Variants in DIAPH2 observed in about 807,000 individuals in gnomAD.
DIAPH2 encodes protein diaphanous homolog 2.
DIAPH2 carries 35 observed loss-of-function variants against 92.7 expected under a neutral mutation model. That is an observed-to-expected ratio of 0.38 (90% confidence interval 0.29 to 0.50). The LOEUF (loss-of-function observed/expected upper bound fraction) is 0.50, where lower values mean the gene tolerates loss of function less well. Among genes scored for constraint, DIAPH2 ranks in the 20% least tolerant of loss-of-function variants. The pLI is 0.94. For synonymous variants in DIAPH2, 301 were observed against 280.4 expected (o/e 1.07, Z -0.73); for missense variants, 701 against 819.5 (o/e 0.86, Z 1.77).
intron 17 of DIAPH2, among the ~76,000 whole-genome samples, chrX:96,968,376 G>A (rs931729785): frequency 2.7e-5 from 3 of 109,850 alleles, no homozygotes; most frequent in African/African-American, 9.9e-5. Context: ...CCGCCACCAT[G>A]CCCAGCTAAT....
intron 7 of DIAPH2, among the ~76,000 whole-genome samples, chrX:96,914,836 C>T (rs1239734959): frequency 1.8e-5 from 2 of 111,502 alleles, no homozygotes; most frequent in East Asian, 5.6e-4. Context: ...ATTAATGGAT[C>T]TTTTGAATTA....
intron 4 of DIAPH2, among the ~76,000 whole-genome samples, chrX:96,811,379 C>G (rs2064679307): frequency 8.9e-6 from 1 of 112,071 alleles, no homozygotes; most frequent in Non-Finnish European, 1.9e-5. Context: ...TATCCTGAGA[C>G]TTTGCTGAAG....
At chrX:97,241,282 C>T (rs1248377479) in intron 22 of DIAPH2, among the ~76,000 whole-genome samples, 1 of 110,694 alleles carries the variant, frequency 9.0e-6, no homozygotes, top group African/African-American at 3.3e-5. Context: ...TACTTAAGAA[C>T]TTAAGTAATG....
At chrX:97,540,304 G>T (rs1447256056) in intron 26 of DIAPH2, among the ~76,000 whole-genome samples, 1 of 111,441 alleles carries the variant, frequency 9.0e-6, no homozygotes, top group Non-Finnish European at 1.9e-5. Context: ...GTTTACCTTT[G>T]TCTGGTTTCC....
chrX:97,504,336 C>G (rs1222584990), intron 26 of DIAPH2, among the ~76,000 whole-genome samples: 4 of 112,066 alleles, frequency 3.6e-5, no homozygotes, highest in Non-Finnish European at 7.5e-5. Context: ...TTTTCTTGCT[C>G]TTTTTCTTAT....
intron 22 of DIAPH2, among the ~76,000 whole-genome samples, chrX:97,199,225 A>ATGTGTG (rs754774694): frequency 3.7e-5 from 2 of 54,299 alleles, no homozygotes; most frequent in Admixed American, 3.7e-4. Flanking sequence ...TAACATATGT[A>ATGTGTG]TATGTGTGTG....
chrX:97,315,280 C>T (rs975620888), intron 23 of DIAPH2, among the ~76,000 whole-genome samples: 4 of 111,686 alleles, frequency 3.6e-5, no homozygotes, highest in African/African-American at 1.3e-4. Flanking sequence ...AGCCACTGCA[C>T]CCTAGCCTTG....
intron 23 of DIAPH2, among the ~76,000 whole-genome samples, chrX:97,263,998 T>C (rs1602460935): frequency 9.2e-6 from 1 of 108,893 alleles, no homozygotes; most frequent in East Asian, 2.9e-4. Flanking sequence ...CACAGCTTAC[T>C]GCAGCCTCGA....
chrX:96,975,242 A>G (rs1569269383), intron 17 of DIAPH2, among the ~76,000 whole-genome samples: 1 of 111,824 alleles, frequency 8.9e-6, no homozygotes, highest in Admixed American at 9.5e-5. Context: ...TTCTTAGTCT[A>G]AGAATCAACT....
chrX:96,997,116 C>T (rs1381818940), intron 17 of DIAPH2, among the ~76,000 whole-genome samples: 4 of 111,345 alleles, frequency 3.6e-5, no homozygotes, highest in Non-Finnish European at 7.6e-5. Context: ...CCTAATAAGA[C>T]ATGTGAATAT....
intron 26 of DIAPH2, among the ~76,000 whole-genome samples, chrX:97,591,332 G>T (rs1274071194): frequency 8.9e-6 from 1 of 112,022 alleles, no homozygotes; most frequent in Non-Finnish European, 1.9e-5. Flanking sequence ...TTAGTTTCAT[G>T]TTCTAGTTGT....
chrX:97,480,310 A>T (rs1312113877), intron 26 of DIAPH2, among the ~76,000 whole-genome samples: 2 of 111,859 alleles, frequency 1.8e-5, no homozygotes, highest in African/African-American at 6.5e-5. Flanking sequence ...TACCATAAAA[A>T]GCTAGGAGAG....
intron 17 of DIAPH2, among the ~76,000 whole-genome samples, chrX:97,013,915 G>T (rs2066243803): frequency 8.9e-6 from 1 of 111,999 alleles, no homozygotes; most frequent in Non-Finnish European, 1.9e-5. Context: ...AAGGAAGGCG[G>T]AATCAGTGAG....
chrX:96,843,212 C>T (rs1602558326), intron 4 of DIAPH2, among the ~76,000 whole-genome samples: 1 of 111,442 alleles, frequency 9.0e-6, no homozygotes, highest in East Asian at 2.8e-4. Flanking sequence ...ACTCTTTCTC[C>T]ATGTGACATG....
chrX:97,459,148 G>A (rs2070436263), intron 26 of DIAPH2, among the ~76,000 whole-genome samples: 1 of 112,156 alleles, frequency 8.9e-6, no homozygotes, highest in Admixed American at 9.4e-5. Flanking sequence ...ACTTACTGTG[G>A]CTATATGCAT....
chrX:97,190,631 G>A (rs2067644784), intron 22 of DIAPH2, among the ~76,000 whole-genome samples: 1 of 109,221 alleles, frequency 9.2e-6, no homozygotes, highest in African/African-American at 3.3e-5. Flanking sequence ...GGTGGATCAC[G>A]AGTTCAGGAG....
At chrX:97,229,847 AT>A (rs2067995398) in intron 22 of DIAPH2, among the ~76,000 whole-genome samples, 2 of 102,949 alleles carry the variant, frequency 1.9e-5, no homozygotes, top group Non-Finnish European at 3.9e-5. Flanking sequence ...ATCTTATTAT[AT>A]ATAACATATT....
intron 4 of DIAPH2, among the ~76,000 whole-genome samples, chrX:96,872,044 C>T (rs746443409): frequency 2.7e-5 from 3 of 111,552 alleles, no homozygotes; most frequent in South Asian, 7.5e-4. Context: ...TTTATGGGTA[C>T]ATAGTAGGTG....
chrX:96,937,238 A>C lies in DIAPH2; in HGVS notation c.1095A>C (p.Leu365=). The C allele has an allele frequency of 9.0e-7, 1 of 1,105,388 alleles. No homozygotes were observed. Among genetic ancestry groups the C allele is most frequent in the Non-Finnish European group, 1.2e-6 (1 of 816,895 alleles). 91.1% of individuals were successfully genotyped at this position (1,105,388 alleles called of 1,213,427 possible). A position where few individuals can be genotyped will look rare whatever the true frequency, so the allele number is the denominator to read the frequency against. Residue 365 remains leucine, a synonymous_variant, in exon 11 of 27, where the codon CTA becomes CTC. Transcript: ENST00000324765. ...RSGLKTMLPD[L]KEKENDELDI... ...ATTTTATGTTTATATATTAGGATCT[A>C]AAAGAAAAAGAGAATGATGAGCTTG... is the stretch of plus-strand genomic sequence containing the variant.
Sources: allele counts gnomAD v4.1 joint callset (sites outside exome capture counted in the v4.1 genomes callset), GRCh38; gene constraint gnomAD v4.1.1; transcripts MANE v1.5; gene names NCBI Gene and HGNC (gene_info 2026-07-23, HGNC 2026-07-21).